UBE3C: variants seen among roughly 807,000 people sequenced by gnomAD.
UBE3C encodes the protein ubiquitin-protein ligase E3C.
A neutral mutation model predicts 129.4 loss-of-function variants in UBE3C; 42 were observed. The observed-to-expected ratio is 0.32, with a 90% CI of 0.25 to 0.42. UBE3C has a LOEUF of 0.42. Ranked by LOEUF, UBE3C falls within the 10% of genes least tolerant of loss-of-function variation. The pLI is 1.00. For missense variants in UBE3C, 1,049 were observed against 1,319.1 expected (o/e 0.80, Z 3.17); for synonymous variants, 510 against 492.4 (o/e 1.04, Z -0.47).
chr7:157,257,038 G>T lies in UBE3C; in HGVS notation c.3075G>T (p.Gly1025=). The T allele has an allele frequency of 2.5e-6, 4 of 1,614,120 alleles. No homozygotes were observed. Among genetic ancestry groups the T allele is most frequent in the South Asian group, 1.1e-5 (1 of 91,074 alleles). The stretch of plus-strand genomic sequence containing the variant: ...GCTGCTCTCGACCCCCTCTCTTGGG[G>T]TTTAAGGTACACAACTTTCATGACA... ...VTSCSRPPLL[G]FKELYPAFCI... is the part of the protein sequence containing the mutation. Residue 1025 remains glycine (G), a synonymous_variant, in exon 22 of 23, where the codon GGG becomes GGT. Coordinates refer to ENST00000348165, the MANE Select transcript of UBE3C (RefSeq NM_014671.3).
chr7:157,224,796 T>A (rs73746708), intron 16 of UBE3C, among the ~76,000 whole-genome samples: 114 of 115,220 alleles, frequency 9.9e-4, no homozygotes, highest in African/African-American at 1.9e-3. Flanking sequence ...ACACACACTC[T>A]CTCTCTCTCT....
intron 10 of UBE3C, among the ~76,000 whole-genome samples, chr7:157,188,633 A>G (rs925500896): frequency 2.0e-5 from 3 of 152,198 alleles, no homozygotes; most frequent in Admixed American, 6.5e-5. Context: ...AAGGTGTTTA[A>G]TGGGTGAAGG....
chr7:157,267,473 CT>C (rs1797111045), intron 22 of UBE3C, 111 bp from the exon 23 acceptor site: 1 of 1,293,156 alleles, frequency 7.7e-7, no homozygotes, highest in Non-Finnish European at 1.1e-6. Flanking sequence ...GAAAATGTGA[CT>C]GCAATGGTAA....
intron 2 of UBE3C, among the ~76,000 whole-genome samples, chr7:157,167,458 A>G (rs1279603893): frequency 6.6e-6 from 1 of 152,020 alleles, no homozygotes; most frequent in East Asian, 1.9e-4. Context: ...TAGCAGTCTC[A>G]GTTTCTGCAT....
At chr7:157,144,852 GTTA>G (rs1460415460) in intron 1 of UBE3C, among the ~76,000 whole-genome samples, 2 of 152,156 alleles carry the variant, frequency 1.3e-5, no homozygotes, top group African/African-American at 2.4e-5. Context: ...ATGTCGATGT[GTTA>G]TTATTAATTG....
At chr7:157,182,896 A>G (rs1167308646) in intron 8 of UBE3C, among the ~76,000 whole-genome samples, 2 of 151,872 alleles carry the variant, frequency 1.3e-5, no homozygotes, top group Non-Finnish European at 2.9e-5. Flanking sequence ...CTACAGGTGC[A>G]CGCCACCACA....
chr7:157,253,987 C>A lies in UBE3C; in HGVS notation c.2728C>A (p.Pro910Thr), dbSNP rs746313180. ...ACTAAAATTCGGTGGGAAAGACATC[C>A]CTGTCACCAGCGCCAACCGGATTGC... ...VELKFGGKDIPVTSANRIAYI... is the reference protein window; with the variant it reads ...VELKFGGKDITVTSANRIAYI... Residue 910 changes from proline (P) to threonine (T), a missense_variant, in exon 20 of 23, where the codon CCT becomes ACT. Coordinates refer to ENST00000348165, the MANE Select transcript of UBE3C (RefSeq NM_014671.3). 6.3e-7 allele frequency: 1 copy of A among 1,599,300 alleles called. No individual in the cohort carries two copies. Among genetic ancestry groups the A allele is most frequent in the Non-Finnish European group, 8.5e-7 (1 of 1,171,830 alleles).
chr7:157,181,532 CTATATT>C lies in UBE3C; in HGVS notation c.633_638del (p.Tyr212_Leu213del). On this transcript the variant is annotated inframe_deletion, in exon 7 of 23. Transcript: ENST00000348165. ...TTTCCTTTTAGGGTATTATAGGTCT[CTATATT>C]TGTTGATTAACAGCAAGCTTCCATC... The C allele has an allele frequency of 6.2e-7, 1 of 1,609,660 alleles. No homozygotes were observed. Among genetic ancestry groups the C allele is most frequent in the Admixed American group, 1.7e-5 (1 of 58,988 alleles).
intron 19 of UBE3C, among the ~76,000 whole-genome samples, chr7:157,249,668 C>T (rs553290975): frequency 5.9e-5 from 9 of 152,302 alleles, no homozygotes; most frequent in Non-Finnish European, 2.9e-5. Context: ...ATCAGGACTT[C>T]ATTCCTTTTC....
intron 1 of UBE3C, among the ~76,000 whole-genome samples, chr7:157,157,884 G>A (rs774745419): frequency 1.3e-5 from 2 of 151,868 alleles, no homozygotes; most frequent in Non-Finnish European, 2.9e-5. Flanking sequence ...GGAGGCCGAG[G>A]CAGGAGAATT....
At chr7:157,152,058 T>C (rs538519375) in intron 1 of UBE3C, among the ~76,000 whole-genome samples, 12 of 152,310 alleles carry the variant, frequency 7.9e-5, no homozygotes, top group African/African-American at 2.9e-4. Context: ...ATATTAACAT[T>C]ACTGTCACCA....
At chr7:157,171,695 T>A (rs1388980284) in intron 4 of UBE3C, among the ~76,000 whole-genome samples, 996 of 22,470 alleles carry the variant, frequency 0.044, 34 homozygotes, top group Non-Finnish European at 0.052. Context: ...TATTTTTTTT[T>A]TTTTTTTTTT....
intron 22 of UBE3C, among the ~76,000 whole-genome samples, chr7:157,264,427 G>A (rs1431010792): frequency 2.9e-5 from 3 of 102,412 alleles, no homozygotes; most frequent in Admixed American, 1.2e-4. Flanking sequence ...ACACACACCT[G>A]GTACTACAGG....
chr7:157,177,543 C>T (rs751511256), intron 5 of UBE3C, among the ~76,000 whole-genome samples: 3 of 152,236 alleles, frequency 2.0e-5, no homozygotes, highest in Non-Finnish European at 2.9e-5. Context: ...TCCCACCGCC[C>T]GCCGCTGCCC....
chr7:157,172,310 A>G (rs550219004), intron 4 of UBE3C, among the ~76,000 whole-genome samples: 8 of 152,344 alleles, frequency 5.3e-5, no homozygotes, highest in African/African-American at 1.7e-4. Context: ...CTGGGATTAC[A>G]GACATGAACC....
At chr7:157,227,701 A>G (rs79554102) in intron 17 of UBE3C, among the ~76,000 whole-genome samples, 5 of 149,796 alleles carry the variant, frequency 3.3e-5, no homozygotes, top group African/African-American at 4.9e-5. Flanking sequence ...TTCATCTCAG[A>G]AAAAAAAAAG....
At chr7:157,245,939 C>T (rs1176633) in intron 18 of UBE3C, among the ~76,000 whole-genome samples, 1 of 136,674 alleles carries the variant, frequency 7.3e-6, no homozygotes, top group South Asian at 2.3e-4. Flanking sequence ...TGCAGTGAGC[C>T]GAGATCGTGC....
At chr7:157,246,125 T>A (rs1206887492) in intron 18 of UBE3C, among the ~76,000 whole-genome samples, 1 of 152,200 alleles carries the variant, frequency 6.6e-6, no homozygotes, top group Non-Finnish European at 1.5e-5. Flanking sequence ...TCCAGTCGTA[T>A]CAGTGGACGA....
At chr7:157,177,271 GAGCATACTGGTCACTCAGA>G (rs777004543) in intron 5 of UBE3C, among the ~76,000 whole-genome samples, 18 of 152,128 alleles carry the variant, frequency 1.2e-4, no homozygotes, top group Non-Finnish European at 2.5e-4. Flanking sequence ...TGTTTCTCAG[GAGCATACTGGTCACTCAGA>G]TGGCTCTTTT....
Sources: gnomAD v4.1 joint callset for allele counts (sites outside exome capture counted in the v4.1 genomes callset) on GRCh38, gnomAD v4.1.1 for gene constraint, MANE v1.5 for transcripts, NCBI Gene and HGNC (gene_info 2026-07-23, HGNC 2026-07-21) for gene names.